Variants in SYNE1 observed in about 807,000 individuals in gnomAD.
SYNE1 encodes nesprin-1.
In SYNE1, 616 loss-of-function variants were observed where a neutral mutation model predicts 1,111.0. The observed-to-expected ratio is 0.55, with a 90% CI of 0.52 to 0.59. SYNE1 has a LOEUF of 0.59. SYNE1 is among the 20% of genes least tolerant of loss of function. The pLI is 0.00. For synonymous variants in SYNE1, 3,855 were observed against 3,825.8 expected (o/e 1.01, Z -0.28); for missense variants, 10,006 against 10,417.0 (o/e 0.96, Z 1.72).
At chr6:152,168,192 C>T (rs773491653) in intron 130 of SYNE1, 1 of 770,670 alleles carries the variant, frequency 1.3e-6, no homozygotes, top group South Asian at 1.3e-5. Flanking sequence ...CTCAGGTCCT[C>T]CGCCACCACC....
chr6:152,606,965 A>C, intron 3 of SYNE1, among the ~76,000 whole-genome samples: 1 of 126,320 alleles, frequency 7.9e-6, no homozygotes, highest in African/African-American at 3.1e-5. Flanking sequence ...AAGGAAAGGC[A>C]TGCCTCGGTT....
At chr6:152,528,339 G>A (rs1052998358) in intron 4 of SYNE1, among the ~76,000 whole-genome samples, 10 of 152,002 alleles carry the variant, frequency 6.6e-5, no homozygotes, top group African/African-American at 2.4e-4. Context: ...TAAATATTGT[G>A]TGAAGCCAAT....
At chr6:152,236,753 G>C in intron 109 of SYNE1, 64 bp downstream of exon 109, 1 of 1,588,110 alleles carries the variant, frequency 6.3e-7, no homozygotes. Flanking sequence ...TCACAAGTTT[G>C]TTTACATTCT....
intron 140 of SYNE1, among the ~76,000 whole-genome samples, chr6:152,137,448 G>A (rs530013958): frequency 1.3e-5 from 2 of 152,200 alleles, no homozygotes; most frequent in South Asian, 4.1e-4. Flanking sequence ...AATACTGCCT[G>A]TGCCACACTG....
intron 77 of SYNE1, among the ~76,000 whole-genome samples, chr6:152,332,155 G>A (rs920544546): frequency 6.6e-6 from 1 of 152,046 alleles, no homozygotes; most frequent in African/African-American, 2.4e-5. Flanking sequence ...TCTATTTTTA[G>A]TAGAGACAGG....
chr6:152,511,094 CTAATT>C lies in SYNE1; in HGVS notation c.314_318del (p.Lys105SerfsTer4). The C allele has an allele frequency of 6.2e-7, 1 of 1,613,594 alleles. No individual in the cohort carries two copies. The highest frequency in any genetic ancestry group is 8.5e-7 in the Non-Finnish European group (1 of 1,179,668). On this transcript the variant is annotated frameshift_variant, in exon 7 of 146. Coordinates refer to ENST00000367255, the MANE Select transcript of SYNE1 (RefSeq NM_182961.4). LOFTEE classifies it high-confidence loss of function. The stretch of plus-strand genomic sequence containing the variant: ...GCTATATCGGTGGAGTTAATGTTGA[CTAATT>C]TAATCTGTTTAAAAAAGAGAAACTG...
chr6:152,585,253 T>A (rs1307305440), intron 3 of SYNE1, among the ~76,000 whole-genome samples: 2 of 152,242 alleles, frequency 1.3e-5, no homozygotes, highest in Non-Finnish European at 2.9e-5. Flanking sequence ...TGTGAGTCAA[T>A]TAAACTTCTT....
In SYNE1 at chr6:152,321,336, C is replaced by A. The variant is rs1199975650; in HGVS notation, c.16138G>T (p.Glu5380Ter). The change falls in exon 84 of 146, where the codon GAA (glutamate) becomes TAA (stop). Residue 5380 changes from glutamate (E) to a stop codon, truncating the protein, a stop_gained. Transcript: ENST00000367255. LOFTEE classifies it high-confidence loss of function. ...AGACCTAAGTACTTCTCCTTCTGTTCTTCTGCCATTTTTTCAATGTTCTGT... is the reference window on the plus strand; with the variant it reads ...AGACCTAAGTACTTCTCCTTCTGTTATTCTGCCATTTTTTCAATGTTCTGT... Reference protein sequence around the residue: ...HRQNIEKMAEEQKEKYLGLYT... With the variant: ...HRQNIEKMAE 1 of 1,613,704 alleles carries A rather than the reference C, an allele frequency of 6.2e-7. No individual in the cohort carries two copies. The highest frequency in any genetic ancestry group is 8.5e-7 in the Non-Finnish European group (1 of 1,179,908).
At chr6:152,343,837 G>A (rs1210499270) in intron 74 of SYNE1, among the ~76,000 whole-genome samples, 1 of 152,068 alleles carries the variant, frequency 6.6e-6, no homozygotes, top group Non-Finnish European at 1.5e-5. Context: ...CAAAGTGCTG[G>A]GATTGCAGGC....
intron 3 of SYNE1, among the ~76,000 whole-genome samples, chr6:152,613,350 C>T (rs532490121): frequency 3.8e-4 from 58 of 152,214 alleles, no homozygotes; most frequent in African/African-American, 1.1e-3. Context: ...TCCTATAAAC[C>T]AACAACAGAC....
At chr6:152,303,261 C>G in intron 91 of SYNE1, among the ~76,000 whole-genome samples, 1 of 151,508 alleles carries the variant, frequency 6.6e-6, no homozygotes, top group Non-Finnish European at 1.5e-5. Context: ...CAAGACCAGC[C>G]TGGCCAACAT....
intron 3 of SYNE1, among the ~76,000 whole-genome samples, chr6:152,601,060 A>G (rs1391754870): frequency 6.6e-6 from 1 of 152,190 alleles, no homozygotes; most frequent in Non-Finnish European, 1.5e-5. Flanking sequence ...AAATCTAACA[A>G]AACAGCAAAA....
intron 101 of SYNE1, among the ~76,000 whole-genome samples, chr6:152,260,279 T>C (rs200595647): frequency 1.3e-5 from 2 of 152,176 alleles, no homozygotes; most frequent in East Asian, 1.9e-4. Context: ...AAGGGAGAGC[T>C]AGCAGTCAAG....
At chr6:152,506,410 TCTAA>T (rs1323110700) in intron 8 of SYNE1, among the ~76,000 whole-genome samples, 4 of 152,130 alleles carry the variant, frequency 2.6e-5, no homozygotes, top group Non-Finnish European at 5.9e-5. Flanking sequence ...TAGAGATGTC[TCTAA>T]CTAAAGCAAA....
intron 3 of SYNE1, among the ~76,000 whole-genome samples, chr6:152,575,778 T>C (rs543448188): frequency 6.6e-6 from 1 of 152,216 alleles, no homozygotes; most frequent in Non-Finnish European, 1.5e-5. Context: ...ACAGGGTTGC[T>C]TGAAAGCTAA....
intron 9 of SYNE1, among the ~76,000 whole-genome samples, chr6:152,504,335 C>G (rs1350925489): frequency 6.6e-6 from 1 of 152,046 alleles, no homozygotes; most frequent in Non-Finnish European, 1.5e-5. Context: ...CTAACTGGGT[C>G]TCTGTAACTT....
intron 4 of SYNE1, 70 bp downstream of exon 4, chr6:152,539,890 T>C (rs2099261066): frequency 1.3e-6 from 2 of 1,499,884 alleles, no homozygotes; most frequent in Non-Finnish European, 1.9e-6. Flanking sequence ...AAGCATTTTG[T>C]TATACTGGAC....
intron 49 of SYNE1, among the ~76,000 whole-genome samples, chr6:152,397,774 G>A (rs893047509): frequency 8.5e-5 from 13 of 152,070 alleles, no homozygotes; most frequent in African/African-American, 2.7e-4. Flanking sequence ...GCCAAGGCGG[G>A]TGGATCACCT....
chr6:152,209,615 T>A (rs1189487377), intron 124 of SYNE1, among the ~76,000 whole-genome samples: 1 of 152,028 alleles, frequency 6.6e-6, no homozygotes, highest in Non-Finnish European at 1.5e-5. Flanking sequence ...CCGGGCGTGG[T>A]GGTGCGTGCC....
Sources: gnomAD v4.1 joint callset for allele counts (sites outside exome capture counted in the v4.1 genomes callset) on GRCh38, gnomAD v4.1.1 for gene constraint, MANE v1.5 for transcripts, NCBI Gene and HGNC (gene_info 2026-07-23, HGNC 2026-07-21) for gene names.